ANK3: variants seen among roughly 807,000 people sequenced by gnomAD.
ANK3 encodes the protein ankyrin 3, also known as ankyrin-3.
ANK3 carries 57 observed loss-of-function variants against 370.9 expected under a neutral mutation model. The ratio of observed to expected loss-of-function variants is 0.15; its 90% CI spans 0.12 to 0.19. ANK3 has a LOEUF of 0.19. Among genes scored for constraint, ANK3 ranks in the 10% least tolerant of loss-of-function variants. ANK3 has a pLI of 1.00. For synonymous variants in ANK3, 1,929 were observed against 1,946.3 expected, an observed-to-expected ratio of 0.99 and a Z score of 0.23; for missense variants, 4,439 against 5,302.1, an observed-to-expected ratio of 0.84 and a Z score of 5.06.
rs138346820 is a variant in ANK3, at chr10:60,654,932, C to T, written c.58-39708G>A. On this transcript the variant is annotated intron_variant, in intron 1 of 43. Coordinates refer to the ANK3 transcript ENST00000373827. ...CAAACCACATATATGATGATGATTC[C>T]GTAAGATTTTAAGGGAGCTGAAAAA... 9.5e-4 allele frequency among the ~76,000 whole-genome samples: 144 copies of T among 152,104 alleles called. 1 individual carries two copies. The highest frequency in any genetic ancestry group is 6.8e-3 in the Middle Eastern group (2 of 294).
Position 60,373,564 on chromosome 10 carries a change from G to A in ANK3, c.114+15861C>T, listed in dbSNP as rs529116703. On this transcript the variant is annotated intron_variant, in intron 1 of 43. Coordinates refer to ENST00000280772, the MANE Select transcript of ANK3 (RefSeq NM_020987.5). ...CAGTCAGGAGATGGTAGGAAATTTA[G>A]GTAGGAATAAAGCCTATTGATGACA... Among the ~76,000 whole-genome samples the A allele has an allele frequency of 9.2e-5, 14 of 152,246 alleles. 1 individual carries two copies. In the South Asian group the frequency reaches 2.9e-3, roughly 32 times the overall value.
intron 1 of ANK3, among the ~76,000 whole-genome samples, chr10:60,285,648 C>T (rs2098233043): frequency 6.6e-6 from 1 of 151,964 alleles, no homozygotes; most frequent in African/African-American, 2.4e-5. Flanking sequence ...TCTAGGTGAC[C>T]TCATTGCTTC....
intron 2 of ANK3, among the ~76,000 whole-genome samples, chr10:60,588,550 A>G (rs1397857935): frequency 6.6e-6 from 1 of 152,086 alleles, no homozygotes; most frequent in East Asian, 1.9e-4. Flanking sequence ...ATGATAACCA[A>G]TATCACAGGG....
intron 42 of ANK3, among the ~76,000 whole-genome samples, chr10:60,047,008 C>T (rs529992003): frequency 2.0e-5 from 3 of 151,994 alleles, no homozygotes; most frequent in Non-Finnish European, 4.4e-5. Context: ...GGGGTTTCAC[C>T]GTGTTAGCCA....
chr10:60,442,348 G>T (rs1403433470), intron 2 of ANK3, among the ~76,000 whole-genome samples: 1 of 152,028 alleles, frequency 6.6e-6, no homozygotes, highest in Non-Finnish European at 1.5e-5. Context: ...CACACACCTT[G>T]GCCTCCCAAA....
intron 23 of ANK3, among the ~76,000 whole-genome samples, chr10:60,141,930 T>C (rs1454501103): frequency 1.3e-5 from 2 of 152,184 alleles, no homozygotes; most frequent in Non-Finnish European, 2.9e-5. Flanking sequence ...CTGGAACATA[T>C]TGAAAACTAT....
intron 8 of ANK3, among the ~76,000 whole-genome samples, chr10:60,226,459 A>C (rs2097146172): frequency 8.7e-6 from 1 of 115,182 alleles, no homozygotes; most frequent in African/African-American, 3.4e-5. Context: ...AAAATATAGT[A>C]TATATACATA....
intron 25 of ANK3, 90 bp downstream of exon 25, chr10:60,134,181 A>C: frequency 9.5e-7 from 1 of 1,055,080 alleles, no homozygotes. Flanking sequence ...AACATGCAGA[A>C]ATATATTTTT....
At chr10:60,269,672 T>A (rs1376982501) in intron 5 of ANK3, among the ~76,000 whole-genome samples, 1 of 116,290 alleles carries the variant, frequency 8.6e-6, no homozygotes, top group Non-Finnish European at 1.6e-5. Context: ...AAAAGTACCA[T>A]AGTTTTATTT....
chr10:60,321,062 G>A (rs566031564), intron 1 of ANK3, among the ~76,000 whole-genome samples: 5 of 152,100 alleles, frequency 3.3e-5, no homozygotes, highest in Admixed American at 6.6e-5. Flanking sequence ...ATTAAAAGTG[G>A]AAGGTGTTAT....
chr10:60,117,201 C>T (rs141528706), intron 25 of ANK3, among the ~76,000 whole-genome samples: 49 of 152,270 alleles, frequency 3.2e-4, no homozygotes, highest in African/African-American at 1.2e-3. Context: ...GGAAGATGTA[C>T]TCCACCAAAG....
chr10:60,067,566 G>C (rs1320826680), intron 38 of ANK3, among the ~76,000 whole-genome samples: 5 of 152,198 alleles, frequency 3.3e-5, no homozygotes, highest in Admixed American at 3.3e-4. Flanking sequence ...TAAACCATGT[G>C]AAAGAATTTT....
upstream of ANK3, among the ~76,000 whole-genome samples, chr10:60,391,199 G>A (rs182379923): frequency 3.7e-4 from 56 of 152,278 alleles, no homozygotes; most frequent in East Asian, 9.6e-3. Flanking sequence ...GAGGCCTCAC[G>A]GTGAACCACA....
At chr10:60,714,140 G>A (rs1050178073) in intron 1 of ANK3, among the ~76,000 whole-genome samples, 4 of 152,102 alleles carry the variant, frequency 2.6e-5, no homozygotes, top group Admixed American at 1.3e-4. Flanking sequence ...TTATAACCTA[G>A]ATGAAGTGAA....
intron 10 of ANK3, among the ~76,000 whole-genome samples, chr10:60,206,891 G>A (rs1025545832): frequency 1.2e-4 from 19 of 152,186 alleles, no homozygotes; most frequent in African/African-American, 4.6e-4. Flanking sequence ...TGCTTTCACC[G>A]AGGCTTCTCA....
intron 2 of ANK3, among the ~76,000 whole-genome samples, chr10:60,476,494 C>CA (rs1460187320): frequency 6.6e-6 from 1 of 152,140 alleles, no homozygotes; most frequent in East Asian, 1.9e-4. Context: ...TTTCAGCTAA[C>CA]AAAGAGCTTC....
chr10:60,120,538 A>C (rs540641343), intron 25 of ANK3, among the ~76,000 whole-genome samples: 1 of 152,138 alleles, frequency 6.6e-6, no homozygotes, highest in African/African-American at 2.4e-5. Flanking sequence ...AACCCACAGA[A>C]TGGGAGAATG....
chr10:60,027,133 C>A lies in ANK3; in HGVS notation c.*2713G>T, dbSNP rs1161925454. On this transcript the variant is annotated 3_prime_UTR_variant, in exon 44 of 44. Transcript: ENST00000280772. Reference sequence around the variant, plus strand: ...CAAATTTTTGGGCATATAAACACAACTATTTAATACCTAAACAGGTATACA... The same window carrying A: ...CAAATTTTTGGGCATATAAACACAAATATTTAATACCTAAACAGGTATACA... 1 of 152,032 alleles carries A rather than the reference C, an allele frequency of 6.6e-6. No homozygotes were observed. Among genetic ancestry groups the A allele is most frequent in the Non-Finnish European group, 1.5e-5 (1 of 68,016 alleles). The allele number at this position is 152,032 out of a possible 1,614,324, so 9.4% of individuals were successfully genotyped here.
At chr10:60,277,386 A>G (rs1416640475) in intron 4 of ANK3, among the ~76,000 whole-genome samples, 2 of 152,226 alleles carry the variant, frequency 1.3e-5, no homozygotes, top group African/African-American at 4.8e-5. Context: ...AAATAGGCTT[A>G]TATGATTTAA....
Sources: allele counts gnomAD v4.1 joint callset (sites outside exome capture counted in the v4.1 genomes callset), GRCh38; gene constraint gnomAD v4.1.1; transcripts MANE v1.5; gene names NCBI Gene and HGNC (gene_info 2026-07-23, HGNC 2026-07-21).